Variants in NAB2 observed in about 807,000 individuals in gnomAD.
NAB2 encodes the protein NGFI-A-binding protein 2.
NAB2 carries 9 observed loss-of-function variants against 44.2 expected under a neutral mutation model. That is an observed-to-expected ratio of 0.20 (90% confidence interval 0.12 to 0.36). NAB2 has a LOEUF of 0.36. Among genes scored for constraint, NAB2 ranks in the 10% least tolerant of loss-of-function variants. The pLI is 1.00. For missense variants in NAB2, 514 were observed against 709.0 expected (o/e 0.73, Z 3.12); for synonymous variants, 342 against 291.0 (o/e 1.18, Z -1.78).
Position 57,091,350 on chromosome 12 carries a change from G to C in NAB2, c.309G>C (p.Leu103=). The change falls in exon 2 of 7, where the codon CTG becomes CTC. Residue 103 remains leucine (L), a synonymous_variant. Coordinates refer to ENST00000300131, the MANE Select transcript of NAB2 (RefSeq NM_005967.4). This position sits in a 1 kb window ranked among gnomAD's most constrained non-coding sequence, Gnocchi z 7.3. ...ATGTCCGGCGCCTGCAGAAGGCACT[G>C]AGAGAGTGGGCCACCAATCCAGGGC... The part of the protein sequence containing the change: ...PLHVRRLQKA[L]REWATNPGLF... 3 of 1,614,184 alleles carry C rather than the reference G, an allele frequency of 1.9e-6. No individual in the cohort carries two copies. Among genetic ancestry groups the C allele is most frequent in the Non-Finnish European group, 2.5e-6 (3 of 1,180,006 alleles).
Position 57,091,901 on chromosome 12 carries a change from A to C in NAB2, c.860A>C (p.Asn287Thr), listed in dbSNP as rs1032470694. Residue 287 changes from asparagine to threonine, a missense_variant, in exon 2 of 7, where the codon AAT becomes ACT. By Grantham distance (65) the Asn-to-Thr change is moderately conservative (BLOSUM62 0). Coordinates refer to ENST00000300131, the MANE Select transcript of NAB2 (RefSeq NM_005967.4). This position sits in a 1 kb window ranked among gnomAD's most constrained non-coding sequence, Gnocchi z 7.3. ...SVGHIFEMDD[N>T]DSQKEEEIRK... ...GGGCACATCTTTGAGATGGATGATA[A>C]TGACAGCCAGAAGGAAGAGGAGATC... 6 of 1,614,032 alleles carry C rather than the reference A, an allele frequency of 3.7e-6. No homozygotes were observed. The highest frequency in any genetic ancestry group is 4.2e-6 in the Non-Finnish European group (5 of 1,180,022).
Position 57,091,700 on chromosome 12 carries a change from C to T in NAB2, c.659C>T (p.Thr220Ile), listed in dbSNP as rs758551205. ...PPAGGGVPEG[T>I]GAGGLAAGGT... ...GCAGGGGGAGGAGTCCCTGAGGGGA[C>T]TGGGGCTGGGGGGCTGGCAGCAGGT... The change falls in exon 2 of 7, where the codon ACT (threonine) becomes ATT (isoleucine). Residue 220 changes from threonine (T) to isoleucine (I), a missense_variant. Physicochemically the swap from Thr to Ile is moderately conservative, Grantham distance 89. Transcript: ENST00000300131. This position sits in a 1 kb window ranked among gnomAD's most constrained non-coding sequence, Gnocchi z 7.3. The T allele has an allele frequency of 1.2e-6, 2 of 1,613,550 alleles. No individual in the cohort carries two copies. Among genetic ancestry groups the T allele is most frequent in the Admixed American group, 3.3e-5 (2 of 60,002 alleles).
intron 1 of NAB2, among the ~76,000 whole-genome samples, chr12:57,090,008 G>A (rs1440448392): frequency 6.6e-6 from 1 of 152,182 alleles, no homozygotes; most frequent in East Asian, 1.9e-4. Context: ...AGTGTGTGTG[G>A]GCGGAACGGC....
Position 57,091,018 on chromosome 12 carries a change from G to A in NAB2, c.84-107G>A. 2.1e-6 allele frequency: 2 copies of A among 974,608 alleles called. No individual in the cohort carries two copies. Among genetic ancestry groups the A allele is most frequent in the Non-Finnish European group, 3.0e-6 (2 of 663,984 alleles). 60.4% of individuals were successfully genotyped at this position (974,608 alleles called of 1,614,324 possible). ...TGGGCAGGATAGCATCCAAATGAGG[G>A]AGGGGAAGAAAAGCAGGCAGGAAAG... On this transcript the variant is annotated intron_variant, in intron 1 of 6. Coordinates refer to ENST00000300131, the MANE Select transcript of NAB2 (RefSeq NM_005967.4). This position sits in a 1 kb window ranked among gnomAD's most constrained non-coding sequence, Gnocchi z 7.3.
chr12:57,089,775 GA>G (rs2033141061), intron 1 of NAB2, among the ~76,000 whole-genome samples: 1 of 133,536 alleles, frequency 7.5e-6, no homozygotes, highest in Non-Finnish European at 1.6e-5. Context: ...ATCAGCGGGG[GA>G]AAGGGGGGGT....
Position 57,091,586 on chromosome 12 carries a change from C to T in NAB2, c.545C>T (p.Pro182Leu). The T allele has an allele frequency of 6.2e-7, 1 of 1,605,502 alleles. No homozygotes were observed. ...CCTGGGGGACCTGGGGCAGGGGACCCCCGGATCTGGCCAGGCCGGAGCACT... is the reference window on the plus strand; with the variant it reads ...CCTGGGGGACCTGGGGCAGGGGACCTCCGGATCTGGCCAGGCCGGAGCACT... ...PLPGGPGAGD[P>L]RIWPGRSTPE... Residue 182 changes from proline (P) to leucine (L), a missense_variant, in exon 2 of 7, where the codon CCC becomes CTC. By Grantham distance (98) the Pro-to-Leu change is moderately conservative. Transcript: ENST00000300131. The surrounding 1 kb of genome is among the most constrained non-coding windows in gnomAD (Gnocchi z 7.3).
rs774023311 is a variant in NAB2 at position 57,091,605 on chromosome 12, G to C, written c.564G>C (p.Arg188=). ...GAGDPRIWPG[R]STPESDVGAG... Reference sequence around the variant, plus strand: ...GGGACCCCCGGATCTGGCCAGGCCGGAGCACTCCAGAGTCGGACGTTGGGG... The same window carrying C: ...GGGACCCCCGGATCTGGCCAGGCCGCAGCACTCCAGAGTCGGACGTTGGGG... Residue 188 remains arginine, a synonymous_variant, in exon 2 of 7, where the codon CGG becomes CGC. Coordinates refer to ENST00000300131, the MANE Select transcript of NAB2 (RefSeq NM_005967.4). The surrounding 1 kb of genome is among the most constrained non-coding windows in gnomAD (Gnocchi z 7.3). 5.6e-6 allele frequency: 9 copies of C among 1,604,364 alleles called. No homozygotes were observed. The highest frequency in any genetic ancestry group is 7.7e-6 in the Non-Finnish European group (9 of 1,174,218).
rs559679293 is a variant in NAB2, at chr12:57,092,194, C to G, written c.957+196C>G. On this transcript the variant is annotated intron_variant, in intron 2 of 6. Transcript: ENST00000300131. ...CTCAGCTGAGGGGGAAGCAGAGATA[C>G]AGGCAGCACCGAGCTGTTCAGCTCC... 1.0e-5 allele frequency: 11 copies of G among 1,093,384 alleles called. No individual in the cohort carries two copies. The East Asian group carries it at 2.1e-4, about 21-fold the overall frequency. 67.7% of individuals were successfully genotyped at this position (1,093,384 alleles called of 1,614,324 possible).
intron 6 of NAB2, among the ~76,000 whole-genome samples, 173 bp downstream of exon 6, chr12:57,093,771 C>T (rs1027896801): frequency 2.0e-5 from 3 of 152,092 alleles, no homozygotes; most frequent in Non-Finnish European, 4.4e-5. Flanking sequence ...CAGACCCTGC[C>T]GAGCTGCTCC....
chr12:57,093,876 G>A (rs1032156079), intron 6 of NAB2, among the ~76,000 whole-genome samples: 2 of 152,140 alleles, frequency 1.3e-5, no homozygotes, highest in Admixed American at 1.3e-4. Context: ...GGAAGGAGGA[G>A]CATCAATAAG....
In NAB2 at chr12:57,092,966, G is replaced by C. The variant is rs1238798167; in HGVS notation, c.1141G>C (p.Glu381Gln). 1.9e-6 allele frequency: 3 copies of C among 1,614,212 alleles called. No homozygotes were observed. Among genetic ancestry groups the C allele is most frequent in the Non-Finnish European group, 2.5e-6 (3 of 1,180,036 alleles). Residue 381 changes from glutamate to glutamine, a missense_variant and splice_region_variant, in exon 4 of 7, where the codon GAG becomes CAG. This residue lies in a region of NAB2 where 194 missense variants were observed against 223.9 expected (regional missense o/e 0.87). Coordinates refer to ENST00000300131, the MANE Select transcript of NAB2 (RefSeq NM_005967.4). ...GGPPLKKLKQ[E>Q]VGEQSHPEIQ... is the part of the protein sequence containing the mutation. The stretch of plus-strand genomic sequence containing the variant: ...CCCTCCACTGAAGAAGCTGAAACAA[G>C]AGGTATGTTTTCCGGGGTGCATATA...
rs2033212350 is a variant in NAB2, at chr12:57,092,498, C to T, written c.1008C>T (p.Leu336=). ...AGTTCTGCATGAGGGACAACACGCTCTTATTACGGAGAGTGGAGCTCTTCT... is the reference window on the plus strand; with the variant it reads ...AGTTCTGCATGAGGGACAACACGCTTTTATTACGGAGAGTGGAGCTCTTCT... The part of the protein sequence containing the change: ...AAQFCMRDNT[L]LLRRVELFSL... Residue 336 remains leucine, a synonymous_variant, in exon 3 of 7, where the codon CTC becomes CTT. Transcript: ENST00000300131. 1 of 1,614,208 alleles carries T rather than the reference C, an allele frequency of 6.2e-7. No homozygotes were observed. Among genetic ancestry groups the T allele is most frequent in the Non-Finnish European group, 8.5e-7 (1 of 1,180,038 alleles).
At chr12:57,092,648 C>T (rs1443041584) in intron 3 of NAB2, 67 bp downstream of exon 3, 6 of 1,578,120 alleles carry the variant, frequency 3.8e-6, no homozygotes, top group African/African-American at 1.4e-5. Flanking sequence ...ATGTCCTAAC[C>T]TTCAGCTCAG....
Position 57,092,780 on chromosome 12 carries a change from C to T in NAB2, c.1092-137C>T. On this transcript the variant is annotated intron_variant, in intron 3 of 6. Transcript: ENST00000300131. ...CCCCCAACCCCCTACAACAATAGTG[C>T]TTGAACTAGAGACTCTTTCTCGGCC... is the stretch of plus-strand genomic sequence containing the variant. 3 of 1,337,914 alleles carry T rather than the reference C, an allele frequency of 2.2e-6. No individual in the cohort carries two copies. In the South Asian group the frequency reaches 3.8e-5, roughly 17 times the overall value. The allele number at this position is 1,337,914 out of a possible 1,614,324, so 82.9% of individuals were successfully genotyped here.
At chr12:57,092,193 A>G (rs2033205985) in intron 2 of NAB2, 195 bp downstream of exon 2, 2 of 1,096,812 alleles carry the variant, frequency 1.8e-6, no homozygotes, top group Non-Finnish European at 2.5e-6. Flanking sequence ...AAGCAGAGAT[A>G]CAGGCAGCAC....
In NAB2 at chr12:57,093,108, C is replaced by T. The variant is rs1216822207; in HGVS notation, c.1189C>T (p.Pro397Ser). 4 of 1,613,428 alleles carry T rather than the reference C, an allele frequency of 2.5e-6. No individual in the cohort carries two copies. The highest frequency in any genetic ancestry group is 1.7e-5 in the Admixed American group (1 of 59,996). Residue 397 changes from proline to serine, a missense_variant, in exon 5 of 7, where the codon CCT (proline) becomes TCT (serine). Around this residue, in one of 5 missense-constraint regions of NAB2, gnomAD observed 194 missense variants for 223.9 expected, o/e 0.87. Transcript: ENST00000300131. ...TGAAATCCAGCAGCCTCCCCCAGGC[C>T]CTGAGTCCTATGTACCCCCATACCG... The part of the protein sequence containing the change: ...HPEIQQPPPG[P>S]ESYVPPYRPS...
chr12:57,094,457 C>T (rs1003040869), intron 6 of NAB2, among the ~76,000 whole-genome samples, 155 bp from the exon 7 acceptor site: 7 of 152,078 alleles, frequency 4.6e-5, no homozygotes, highest in African/African-American at 1.2e-4. Flanking sequence ...GGGAATGGAA[C>T]CCCCCATACA....
chr12:57,089,920 T>TG (rs2033145901), intron 1 of NAB2, among the ~76,000 whole-genome samples: 1 of 152,110 alleles, frequency 6.6e-6, no homozygotes, highest in Non-Finnish European at 1.5e-5. Flanking sequence ...CACTTGAAGA[T>TG]GCGGGTGGAA....
chr12:57,093,217 T>G, intron 5 of NAB2, 22 bp downstream of exon 5: 1 of 1,571,646 alleles, frequency 6.4e-7, no homozygotes, highest in Non-Finnish European at 8.6e-7. Flanking sequence ...TCAGAACACT[T>G]TTCTCTTCAT....
Sources: gnomAD v4.1 joint callset for allele counts (sites outside exome capture counted in the v4.1 genomes callset) on GRCh38, gnomAD v4.1.1 for gene constraint, gnomAD v4.1.1 regional missense constraint, Gnocchi (gnomAD v3.1) non-coding constraint, MANE v1.5 for transcripts, NCBI Gene and HGNC (gene_info 2026-07-23, HGNC 2026-07-21) for gene names.